The following SORCS3 variants were observed in gnomAD, a reference collection of about 807,000 sequenced individuals.
SORCS3 encodes sortilin related VPS10 domain containing receptor 3.
In SORCS3, 57 loss-of-function variants were observed where a neutral mutation model predicts 146.3. The observed-to-expected ratio is 0.39, with a 90% confidence interval of 0.31 to 0.49. The LOEUF is 0.49. Among genes scored for constraint, SORCS3 ranks in the 20% least tolerant of loss-of-function variants. The pLI is 0.92. For synonymous variants in SORCS3, 653 were observed against 618.5 expected, an observed-to-expected ratio of 1.06 and a Z score of -0.83; for missense variants, 1,341 against 1,575.5, an observed-to-expected ratio of 0.85 and a Z score of 2.52.
intron 3 of SORCS3, among the ~76,000 whole-genome samples, chr10:104,964,882 G>A (rs1042137854): frequency 2.6e-5 from 4 of 152,002 alleles, no homozygotes; most frequent in South Asian, 2.1e-4. Flanking sequence ...TTCTCTCTCC[G>A]CCTAGCCTTA....
intron 1 of SORCS3, among the ~76,000 whole-genome samples, chr10:104,679,993 G>A (rs2015952519): frequency 6.6e-6 from 1 of 152,156 alleles, no homozygotes; most frequent in Admixed American, 6.5e-5. Flanking sequence ...TGCATGGGAG[G>A]CCGATAGGAA....
intron 20 of SORCS3, among the ~76,000 whole-genome samples, chr10:105,242,504 A>ATATATATT (rs2056834584): frequency 1.1e-5 from 1 of 87,328 alleles, no homozygotes; most frequent in East Asian, 3.5e-4. Flanking sequence ...ATATATATTT[A>ATATATATT]TATATATTTA....
chr10:105,021,510 T>G (rs938643618), intron 4 of SORCS3, among the ~76,000 whole-genome samples: 2 of 152,186 alleles, frequency 1.3e-5, no homozygotes, highest in African/African-American at 4.8e-5. Flanking sequence ...ATATCTTTTC[T>G]TTGCTCTTTT....
Position 104,752,008 on chromosome 10 carries a change from C to T in SORCS3, c.628-90784C>T, listed in dbSNP as rs1299420137. Among the ~76,000 whole-genome samples the T allele has an allele frequency of 7.5e-5, 9 of 120,106 alleles. No homozygotes were observed. In the Admixed American group the frequency reaches 9.6e-4, roughly 13 times the overall value. The allele number at this position is 120,106 out of a possible 152,430, so 78.8% of individuals were successfully genotyped here. ...AGGAATGAGGTTTTCTGATTAGTTG[C>T]CTTTAAAAGCTCTGTTAAGCACAGT... On this transcript the variant is annotated intron_variant, in intron 1 of 26. Coordinates refer to ENST00000369701, the MANE Select transcript of SORCS3 (RefSeq NM_014978.3).
intron 4 of SORCS3, among the ~76,000 whole-genome samples, chr10:104,997,480 A>G (rs2055034027): frequency 6.6e-6 from 1 of 152,174 alleles, no homozygotes; most frequent in Non-Finnish European, 1.5e-5. Flanking sequence ...TCAAGTCTAG[A>G]TCAGGCAATA....
rs939687869 is a variant in SORCS3, at chr10:104,737,370, G to A, written c.627+95416G>A. On this transcript the variant is annotated intron_variant, in intron 1 of 26. Transcript: ENST00000369701. ...AATCGCCACACTGACTTCCACAATG[G>A]TTGAACTAGTTTACAGTCCCACCAA... Among the ~76,000 whole-genome samples the A allele has an allele frequency of 1.8e-4, 28 of 152,166 alleles. No individual in the cohort carries two copies. The East Asian group carries it at 1.9e-3, about 11-fold the overall frequency.
chr10:105,010,330 T>C (rs1326271094), intron 4 of SORCS3, among the ~76,000 whole-genome samples: 3 of 152,228 alleles, frequency 2.0e-5, no homozygotes, highest in Non-Finnish European at 4.4e-5. Context: ...GTTCTTCTGG[T>C]TCTATGTTTC....
At chr10:105,186,969 T>G (rs771967721) in intron 14 of SORCS3, among the ~76,000 whole-genome samples, 2 of 152,072 alleles carry the variant, frequency 1.3e-5, no homozygotes, top group Non-Finnish European at 2.9e-5. Context: ...TTCCATCTCT[T>G]AGAGTCTCTG....
chr10:105,178,670 A>C (rs1449999013), intron 14 of SORCS3, among the ~76,000 whole-genome samples: 2 of 152,092 alleles, frequency 1.3e-5, no homozygotes, highest in Non-Finnish European at 2.9e-5. Context: ...TTTCACTGTA[A>C]ATTTTTTTCT....
intron 1 of SORCS3, among the ~76,000 whole-genome samples, chr10:104,838,177 G>A (rs1200607676): frequency 2.6e-5 from 4 of 152,152 alleles, no homozygotes; most frequent in Non-Finnish European, 5.9e-5. Context: ...GGGGCCATCA[G>A]CTGGAGGGGA....
intron 20 of SORCS3, among the ~76,000 whole-genome samples, chr10:105,227,383 A>G (rs933957439): frequency 6.6e-6 from 1 of 151,996 alleles, no homozygotes; most frequent in African/African-American, 2.4e-5. Context: ...TGATTTCTAG[A>G]TTTATTCCAT....
intron 1 of SORCS3, among the ~76,000 whole-genome samples, chr10:104,810,380 A>G (rs1267294738): frequency 6.6e-6 from 1 of 152,206 alleles, no homozygotes; most frequent in Non-Finnish European, 1.5e-5. Context: ...GTCATCATAT[A>G]GTGTGTATAT....
intron 1 of SORCS3, among the ~76,000 whole-genome samples, chr10:104,828,051 C>A (rs1367540548): frequency 6.6e-6 from 1 of 152,102 alleles, no homozygotes; most frequent in Non-Finnish European, 1.5e-5. Flanking sequence ...TGTCACTAAA[C>A]CTTTTTCCCT....
chr10:105,194,367 G>A (rs1437687450), intron 14 of SORCS3, among the ~76,000 whole-genome samples: 1 of 152,130 alleles, frequency 6.6e-6, no homozygotes, highest in East Asian at 1.9e-4. Flanking sequence ...AACATTTGTT[G>A]TCTATTGTGA....
At chr10:105,128,123 G>A (rs547482212) in intron 7 of SORCS3, among the ~76,000 whole-genome samples, 53 of 152,188 alleles carry the variant, frequency 3.5e-4, no homozygotes, top group Admixed American at 1.8e-3. Flanking sequence ...GGGTCATTGT[G>A]TGCAAGAGCA....
intron 1 of SORCS3, among the ~76,000 whole-genome samples, chr10:104,750,167 A>G (rs2016967498): frequency 6.6e-6 from 1 of 152,184 alleles, no homozygotes; most frequent in African/African-American, 2.4e-5. Flanking sequence ...GGGAAAGATT[A>G]TAGAAGGGGC....
chr10:104,652,693 GATA>G (rs2015578272), intron 1 of SORCS3, among the ~76,000 whole-genome samples: 1 of 152,168 alleles, frequency 6.6e-6, no homozygotes, highest in Non-Finnish European at 1.5e-5. Context: ...AGTCACGTCT[GATA>G]ATAATAAAAT....
At chr10:105,097,323 C>T (rs1171095502) in intron 6 of SORCS3, among the ~76,000 whole-genome samples, 1 of 152,224 alleles carries the variant, frequency 6.6e-6, no homozygotes, top group Non-Finnish European at 1.5e-5. Flanking sequence ...TGGTTAACAA[C>T]TGTGCGAATA....
intron 1 of SORCS3, among the ~76,000 whole-genome samples, chr10:104,768,076 G>T (rs1033353723): frequency 6.6e-6 from 1 of 152,286 alleles, no homozygotes; most frequent in African/African-American, 2.4e-5. Context: ...CTTGACCTGG[G>T]TCAGAACTGT....
Sources: allele counts gnomAD v4.1 joint callset (sites outside exome capture counted in the v4.1 genomes callset), GRCh38; gene constraint gnomAD v4.1.1; transcripts MANE v1.5; gene names NCBI Gene and HGNC (gene_info 2026-07-23, HGNC 2026-07-21).